Variants in FOCAD observed in about 807,000 individuals in gnomAD.
FOCAD encodes the protein focadhesin, also known as KIAA1797.
A neutral mutation model predicts 225.6 loss-of-function variants in FOCAD; 198 were observed. That is an observed-to-expected ratio of 0.88 (90% confidence interval 0.78 to 0.99). The LOEUF (loss-of-function observed/expected upper bound fraction) is 0.99, where lower values mean the gene tolerates loss of function less well. Among genes scored for constraint, FOCAD ranks in the 50% least tolerant of loss-of-function variants. FOCAD has a pLI of 0.00. For missense variants in FOCAD, 2,713 were observed against 2,123.6 expected, an observed-to-expected ratio of 1.28 and a Z score of -5.46; for synonymous variants, 897 against 755.0, an observed-to-expected ratio of 1.19 and a Z score of -3.08.
At chr9:20,949,509 A>G in intron 32 of FOCAD, 95 bp from the exon 33 acceptor site, 2 of 904,598 alleles carry the variant, frequency 2.2e-6, no homozygotes, top group Non-Finnish European at 1.8e-6. Context: ...AAACTGTTTT[A>G]TAACTTAGAA....
At chr9:20,733,794 G>T (rs1278368453) in intron 4 of FOCAD, among the ~76,000 whole-genome samples, 1 of 152,080 alleles carries the variant, frequency 6.6e-6, no homozygotes, top group Non-Finnish European at 1.5e-5. Flanking sequence ...TTGAAGCCAG[G>T]AGTTTGAGAC....
intron 35 of FOCAD, among the ~76,000 whole-genome samples, chr9:20,956,666 T>C (rs1414058511): frequency 6.6e-6 from 1 of 152,236 alleles, no homozygotes; most frequent in African/African-American, 2.4e-5. Flanking sequence ...TCTGGACATT[T>C]GTCAATAGCA....
intron 15 of FOCAD, among the ~76,000 whole-genome samples, chr9:20,845,426 T>C (rs765908614): frequency 7.2e-6 from 1 of 139,770 alleles, no homozygotes; most frequent in Non-Finnish European, 1.5e-5. Flanking sequence ...TGATATATTT[T>C]ATGCATCTTT....
chr9:20,902,377 C>T (rs1001635506), intron 21 of FOCAD, among the ~76,000 whole-genome samples: 4 of 151,926 alleles, frequency 2.6e-5, no homozygotes, highest in Middle Eastern at 3.4e-3. Flanking sequence ...GCTTGGGAAT[C>T]GGTTCGTAAT....
At position 20,923,697 on chromosome 9, in the gene FOCAD, C is replaced by G. The variant is rs117748510; in HGVS notation, c.2890C>G (p.Leu964Val). 2.6e-3 allele frequency: 4,273 copies of G among 1,614,084 alleles called. 83 individuals are homozygous for G. The South Asian group carries it at 0.027, about 10-fold the overall frequency. Residue 964 changes from leucine to valine, a missense_variant, in exon 25 of 44, where the codon CTA (leucine) becomes GTA (valine). Leu to Val is a conservative substitution (Grantham distance 32). Coordinates refer to ENST00000338382, the MANE Select transcript of FOCAD (RefSeq NM_001375567.1). ...AGTGAAAGGCAATGCGCTGTTAGCT[C>G]TAAGCAGCCTTGCTGTCGTCGTATC... ...PVVKGNALLA[L>V]SSLAVVVSRH...
intron 28 of FOCAD, among the ~76,000 whole-genome samples, chr9:20,937,711 AG>A (rs1268139145): frequency 1.3e-5 from 2 of 151,910 alleles, no homozygotes; most frequent in Non-Finnish European, 2.9e-5. Context: ...ATGTCAAGAA[AG>A]GCCAAAATTG....
At chr9:20,948,158 C>G (rs1837359660) in intron 30 of FOCAD, 113 bp from the exon 31 acceptor site, 1 of 999,866 alleles carries the variant, frequency 1.0e-6, no homozygotes, top group Non-Finnish European at 1.4e-6. Context: ...ACAAATACAG[C>G]TTGTCATTAG....
chr9:20,672,789 G>A (rs571403179), intron 2 of FOCAD, among the ~76,000 whole-genome samples: 17 of 152,188 alleles, frequency 1.1e-4, no homozygotes, highest in African/African-American at 4.1e-4. Flanking sequence ...AAGAACCACA[G>A]GAAAAACTTA....
intron 21 of FOCAD, among the ~76,000 whole-genome samples, chr9:20,893,589 C>G (rs1453493350): frequency 1.3e-5 from 2 of 152,058 alleles, no homozygotes; most frequent in African/African-American, 4.8e-5. Context: ...ACAGGATATT[C>G]TATACCCTTC....
At chr9:20,788,179 C>T (rs1478976454) in intron 10 of FOCAD, among the ~76,000 whole-genome samples, 1 of 152,080 alleles carries the variant, frequency 6.6e-6, no homozygotes, top group Non-Finnish European at 1.5e-5. Context: ...ATGGATGAAC[C>T]TTGAAATCAT....
chr9:20,780,106 A>G (rs1313881194), intron 9 of FOCAD, among the ~76,000 whole-genome samples: 1 of 152,162 alleles, frequency 6.6e-6, no homozygotes, highest in Non-Finnish European at 1.5e-5. Context: ...CATACCATAA[A>G]ATTCAGAATA....
chr9:20,712,802 G>A (rs956051717), intron 1 of FOCAD, among the ~76,000 whole-genome samples: 8 of 130,980 alleles, frequency 6.1e-5, no homozygotes, highest in Non-Finnish European at 1.2e-4. Context: ...GCACAACCTC[G>A]GCTTATTGCA....
intron 5 of FOCAD, among the ~76,000 whole-genome samples, chr9:20,748,692 G>C (rs1828280823): frequency 6.6e-6 from 1 of 152,060 alleles, no homozygotes; most frequent in Non-Finnish European, 1.5e-5. Context: ...TCTCTTTGCA[G>C]TTCCATTCTT....
intron 18 of FOCAD, among the ~76,000 whole-genome samples, chr9:20,872,104 A>G (rs189810312): frequency 7.0e-4 from 106 of 152,216 alleles, no homozygotes; most frequent in African/African-American, 2.4e-3. Flanking sequence ...TTAAATTATA[A>G]TACATTTGTA....
chr9:20,983,786 A>G (rs891216899), intron 39 of FOCAD, among the ~76,000 whole-genome samples: 1 of 152,108 alleles, frequency 6.6e-6, no homozygotes, highest in South Asian at 2.1e-4. Context: ...AAGGAGAGAT[A>G]ATAACACCTA....
At position 20,740,356 on chromosome 9, in the gene FOCAD, G is replaced by GTTT. The variant is rs57561334; in HGVS notation, c.392+24_392+26dup. On this transcript the variant is annotated intron_variant, in intron 5 of 43. Coordinates refer to ENST00000338382, the MANE Select transcript of FOCAD (RefSeq NM_001375567.1). The stretch of plus-strand genomic sequence containing the variant: ...ATACCATTAGGTAAGCCTTTTTTCT[G>GTTT]TTTTTTTTTTAAACAAATATGAATT... 75 of 1,216,718 alleles carry GTTT rather than the reference G, an allele frequency of 6.2e-5. No individual in the cohort carries two copies. The highest frequency in any genetic ancestry group is 1.8e-4 in the East Asian group (7 of 38,842). 75.4% of individuals were successfully genotyped at this position (1,216,718 alleles called of 1,614,324 possible). A position where few individuals can be genotyped will look rare whatever the true frequency, so the allele number is the denominator to read the frequency against.
At chr9:20,949,814 G>A (rs113264259) in intron 33 of FOCAD, 139 bp downstream of exon 33, 15 of 683,504 alleles carry the variant, frequency 2.2e-5, no homozygotes, top group African/African-American at 1.1e-4. Flanking sequence ...AGAGGCATTT[G>A]GGAGTGATGT....
intron 35 of FOCAD, among the ~76,000 whole-genome samples, chr9:20,963,393 T>C (rs1404523314): frequency 6.6e-6 from 1 of 152,204 alleles, no homozygotes; most frequent in Non-Finnish European, 1.5e-5. Flanking sequence ...AATGGTCATA[T>C]TTCACATGGG....
At chr9:20,840,596 G>GTT (rs143705775) in intron 15 of FOCAD, among the ~76,000 whole-genome samples, 21 of 140,474 alleles carry the variant, frequency 1.5e-4, no homozygotes, top group Middle Eastern at 3.8e-3. Flanking sequence ...ATTTTTTAAT[G>GTT]TTTTTTTTTT....
Sources: allele counts gnomAD v4.1 joint callset (sites outside exome capture counted in the v4.1 genomes callset), GRCh38; gene constraint gnomAD v4.1.1; transcripts MANE v1.5; gene names NCBI Gene and HGNC (gene_info 2026-07-23, HGNC 2026-07-21).